The following ZNF804A variants were observed in gnomAD, a reference collection of about 807,000 sequenced individuals.
The protein encoded by ZNF804A is zinc finger protein 804A.
ZNF804A carries 2 observed loss-of-function variants against 16.5 expected under a neutral mutation model. The ratio of observed to expected loss-of-function variants is 0.12; its 90% CI spans 0.05 to 0.38. The LOEUF (loss-of-function observed/expected upper bound fraction) is 0.38. Among genes scored for constraint, ZNF804A ranks in the 10% least tolerant of loss-of-function variants. ZNF804A has a pLI of 0.99. For synonymous variants in ZNF804A, 534 were observed against 489.6 expected, an observed-to-expected ratio of 1.09 and a Z score of -1.20; for missense variants, 1,473 against 1,390.7, an observed-to-expected ratio of 1.06 and a Z score of -0.94.
intron 1 of ZNF804A, among the ~76,000 whole-genome samples, chr2:184,799,532 T>C (rs547213149): frequency 6.6e-6 from 1 of 151,808 alleles, no homozygotes; most frequent in Admixed American, 6.6e-5. Context: ...TACTTCTTCT[T>C]TTTTTTTGAA....
rs774468510 is a variant in ZNF804A, at chr2:184,935,856, C to A, written c.460C>A (p.Arg154=). Residue 154 remains arginine (R), a synonymous_variant, in exon 4 of 4, where the codon CGA becomes AGA. Coordinates refer to ENST00000302277, the MANE Select transcript of ZNF804A (RefSeq NM_194250.2). ...AGAAAACTGTAATGAAATTTCCCAA[C>A]GAGTTGTTGTGGATTCAGTTAATAA... ...VRENCNEISQ[R]VVVDSVNNQQ... is the part of the protein sequence containing the mutation. 6 of 1,613,342 alleles carry A rather than the reference C, an allele frequency of 3.7e-6. No individual in the cohort carries two copies. In the African/African-American group the frequency reaches 8.0e-5, roughly 22 times the overall value.
At position 184,939,160 on chromosome 2, in the gene ZNF804A, T is replaced by G; in HGVS notation, c.*134T>G. The G allele has an allele frequency of 9.0e-7, 1 of 1,109,720 alleles. No homozygotes were observed. The highest frequency in any genetic ancestry group is 1.3e-6 in the Non-Finnish European group (1 of 779,540). 68.7% of individuals were successfully genotyped at this position (1,109,720 alleles called of 1,614,324 possible). Reference sequence around the variant, plus strand: ...GATACATGGCGTCATTGGTTTGAAATCATTTACTGTAAGTGCAATGATGCA... The same window carrying G: ...GATACATGGCGTCATTGGTTTGAAAGCATTTACTGTAAGTGCAATGATGCA... On this transcript the variant is annotated 3_prime_UTR_variant, in exon 4 of 4. Transcript: ENST00000302277.
At chr2:184,723,678 C>T (rs1470882561) in intron 1 of ZNF804A, among the ~76,000 whole-genome samples, 1 of 151,516 alleles carries the variant, frequency 6.6e-6, no homozygotes, top group East Asian at 1.9e-4. Context: ...TGGCTTATTG[C>T]TTTCAGTCTA....
intron 1 of ZNF804A, among the ~76,000 whole-genome samples, chr2:184,700,794 T>G (rs1380842284): frequency 1.3e-5 from 2 of 152,052 alleles, no homozygotes; most frequent in East Asian, 3.8e-4. Flanking sequence ...CTTGTAAAAT[T>G]TATAAACAGT....
intron 1 of ZNF804A, among the ~76,000 whole-genome samples, chr2:184,657,091 G>T (rs186067555): frequency 2.6e-4 from 40 of 152,198 alleles, no homozygotes; most frequent in African/African-American, 7.7e-4. Flanking sequence ...TTGTGAGATA[G>T]AATTCTTTTT....
At chr2:184,612,166 A>G (rs1189246387) in intron 1 of ZNF804A, among the ~76,000 whole-genome samples, 1 of 152,210 alleles carries the variant, frequency 6.6e-6, no homozygotes, top group East Asian at 1.9e-4. Context: ...TGCTGAAAGA[A>G]TACCAAAAAT....
chr2:184,759,571 A>G (rs1694010228), intron 1 of ZNF804A, among the ~76,000 whole-genome samples: 1 of 152,102 alleles, frequency 6.6e-6, no homozygotes, highest in African/African-American at 2.4e-5. Flanking sequence ...AATAAAATAT[A>G]TAAATTATCT....
chr2:184,626,359 G>C (rs1183639456), intron 1 of ZNF804A, among the ~76,000 whole-genome samples: 1 of 152,024 alleles, frequency 6.6e-6, no homozygotes, highest in East Asian at 1.9e-4. Context: ...ATCTGTTAAA[G>C]ACTGCACGAA....
chr2:184,618,241 GTTTTTC>G (rs2105677555), intron 1 of ZNF804A, among the ~76,000 whole-genome samples: 1 of 152,038 alleles, frequency 6.6e-6, no homozygotes. Context: ...TCATTTCTTT[GTTTTTC>G]TATTTTTGGT....
intron 1 of ZNF804A, among the ~76,000 whole-genome samples, chr2:184,794,418 T>C (rs1320528243): frequency 6.6e-6 from 1 of 152,068 alleles, no homozygotes; most frequent in Non-Finnish European, 1.5e-5. Context: ...TTGATGGGAT[T>C]GTTTCTCTTT....
chr2:184,605,485 G>C (rs1479291409), intron 1 of ZNF804A, among the ~76,000 whole-genome samples: 1 of 151,820 alleles, frequency 6.6e-6, no homozygotes, highest in African/African-American at 2.4e-5. Flanking sequence ...AACCACTGTG[G>C]ATATTTTGAG....
intron 1 of ZNF804A, among the ~76,000 whole-genome samples, chr2:184,638,098 T>G (rs1355349257): frequency 2.0e-5 from 3 of 152,210 alleles, no homozygotes; most frequent in Non-Finnish European, 4.4e-5. Context: ...AATATCCCCG[T>G]GCTGTAAAAT....
intron 1 of ZNF804A, among the ~76,000 whole-genome samples, chr2:184,686,440 A>G (rs1692634171): frequency 6.6e-6 from 1 of 152,002 alleles, no homozygotes. Context: ...TATCTAATCT[A>G]CCATTAATGG....
chr2:184,690,567 A>G lies in ZNF804A; in HGVS notation c.111+91497A>G, dbSNP rs185166823. 3.0e-3 allele frequency among the ~76,000 whole-genome samples: 455 copies of G among 152,166 alleles called. 1 individual carries two copies. Among genetic ancestry groups the G allele is most frequent in the African/African-American group, 0.011 (441 of 41,570 alleles). ...GCATGGAAATTTCTTATGACCTCAC[A>G]GGTAACTTTACAAAATATTACTGAA... On this transcript the variant is annotated intron_variant, in intron 1 of 3. Transcript: ENST00000302277.
intron 1 of ZNF804A, among the ~76,000 whole-genome samples, chr2:184,723,175 A>G (rs1191844642): frequency 1.3e-5 from 2 of 151,872 alleles, no homozygotes; most frequent in Non-Finnish European, 2.9e-5. Context: ...TTCCTTTTTC[A>G]TTTAATAGAA....
intron 2 of ZNF804A, among the ~76,000 whole-genome samples, chr2:184,903,436 C>T (rs1685217304): frequency 6.6e-6 from 1 of 152,066 alleles, no homozygotes; most frequent in Non-Finnish European, 1.5e-5. Context: ...ACTATATAGG[C>T]TTGTAGCCTA....
rs141180939 is a variant in ZNF804A at position 184,739,496 on chromosome 2, C to T, written c.112-126873C>T. Among the ~76,000 whole-genome samples the T allele has an allele frequency of 1.6e-3, 250 of 152,208 alleles. 1 individual carries two copies. Among genetic ancestry groups the T allele is most frequent in the African/African-American group, 5.2e-3 (215 of 41,542 alleles). Reference sequence around the variant, plus strand: ...GCAACCTCTGCATCCTGGGTTCAAGCGATTGTTGTGCCTCAGCCTCCTTAG... The same window carrying T: ...GCAACCTCTGCATCCTGGGTTCAAGTGATTGTTGTGCCTCAGCCTCCTTAG... On this transcript the variant is annotated intron_variant, in intron 1 of 3. Coordinates refer to ENST00000302277, the MANE Select transcript of ZNF804A (RefSeq NM_194250.2).
intron 1 of ZNF804A, among the ~76,000 whole-genome samples, chr2:184,638,008 G>A (rs989448404): frequency 2.6e-5 from 4 of 152,122 alleles, no homozygotes; most frequent in Non-Finnish European, 5.9e-5. Context: ...AAGCTTGTCA[G>A]TATTGTAAAG....
At chr2:184,810,492 T>TTTC (rs1232367772) in intron 1 of ZNF804A, among the ~76,000 whole-genome samples, 1 of 133,374 alleles carries the variant, frequency 7.5e-6, no homozygotes. Context: ...TCCTTTTTTT[T>TTTC]TTTTTTTTTT....
Sources: allele counts gnomAD v4.1 joint callset (sites outside exome capture counted in the v4.1 genomes callset), GRCh38; gene constraint gnomAD v4.1.1; transcripts MANE v1.5; gene names NCBI Gene and HGNC (gene_info 2026-07-23, HGNC 2026-07-21).